The following KCNIP4 variants were observed in gnomAD, a reference collection of about 807,000 sequenced individuals.
The protein encoded by KCNIP4 is Kv channel-interacting protein 4.
A neutral mutation model predicts 34.0 loss-of-function variants in KCNIP4; 12 were observed. The observed-to-expected ratio is 0.35, with a 90% CI of 0.23 to 0.57. The LOEUF (loss-of-function observed/expected upper bound fraction) is 0.57, where lower values mean the gene tolerates loss of function less well. KCNIP4 is among the 20% of genes least tolerant of loss of function. The pLI, the probability that KCNIP4 is intolerant of heterozygous loss-of-function variation, is 0.83. For missense variants in KCNIP4, 238 were observed against 311.7 expected, an observed-to-expected ratio of 0.76 and a Z score of 1.78; for synonymous variants, 124 against 102.2, an observed-to-expected ratio of 1.21 and a Z score of -1.29.
intron 1 of KCNIP4, among the ~76,000 whole-genome samples, chr4:21,786,581 T>TC (rs1719929483): frequency 6.6e-6 from 1 of 151,548 alleles, no homozygotes. Context: ...TCTTTTTTTT[T>TC]TTTTGAGATG....
At chr4:20,878,787 C>T (rs1385482966) in intron 2 of KCNIP4, among the ~76,000 whole-genome samples, 1 of 152,154 alleles carries the variant, frequency 6.6e-6, no homozygotes, top group Admixed American at 6.5e-5. Flanking sequence ...CAGGATGATG[C>T]TAAAACCCAC....
chr4:21,586,895 C>A (rs1364465859), intron 1 of KCNIP4, among the ~76,000 whole-genome samples: 1 of 151,968 alleles, frequency 6.6e-6, no homozygotes, highest in Non-Finnish European at 1.5e-5. Context: ...CAAGTCTCAG[C>A]CTTATCATTT....
At chr4:21,519,474 A>ATG (rs1307544272) in intron 1 of KCNIP4, among the ~76,000 whole-genome samples, 5 of 100,064 alleles carry the variant, frequency 5.0e-5, no homozygotes, top group Non-Finnish European at 8.6e-5. Flanking sequence ...GTGTATGTGT[A>ATG]TGTGTATATA....
chr4:21,061,705 A>G (rs1328539302), intron 1 of KCNIP4, among the ~76,000 whole-genome samples: 1 of 152,210 alleles, frequency 6.6e-6, no homozygotes, highest in African/African-American at 2.4e-5. Flanking sequence ...ATCTATGCCT[A>G]AACATTATAT....
At position 21,247,930 on chromosome 4, in the gene KCNIP4, TACACACATATATATATAC is replaced by T. The variant is rs1412902432; in HGVS notation, c.62-365239_62-365222del. Among the ~76,000 whole-genome samples, 528 of 120,248 alleles carry T rather than the reference TACACACATATATATATAC, an allele frequency of 4.4e-3. 9 individuals carry two copies. Among genetic ancestry groups the T allele is most frequent in the Non-Finnish European group, 7.1e-3 (433 of 60,912 alleles). The allele number at this position is 120,248 out of a possible 152,430, so 78.9% of individuals were successfully genotyped here. A position where few individuals can be genotyped will look rare whatever the true frequency, so the allele number is the denominator to read the frequency against. On this transcript the variant is annotated intron_variant, in intron 1 of 8. Transcript: ENST00000382152. ...ATATACACACACACACATATATATA[TACACACATATATATATAC>T]ACACACATATATATATACACACACA...
At chr4:21,508,751 A>G (rs554760451) in intron 1 of KCNIP4, among the ~76,000 whole-genome samples, 8 of 144,736 alleles carry the variant, frequency 5.5e-5, no homozygotes, top group African/African-American at 2.3e-4. Flanking sequence ...CCCTGAGGCA[A>G]TTAGCAAGGG....
rs560562308 is a variant in KCNIP4 at position 21,012,566 on chromosome 4, C to T, written c.62-129857G>A. On this transcript the variant is annotated intron_variant, in intron 1 of 8. Coordinates refer to ENST00000382152, the MANE Select transcript of KCNIP4 (RefSeq NM_025221.6). ...TGGGTGACAGAGTAAGACCTTGGCT[C>T]GAATCAAAGCAAAACAAAACAAAAC... Among the ~76,000 whole-genome samples the T allele has an allele frequency of 5.9e-5, 9 of 152,156 alleles. No individual in the cohort carries two copies. The East Asian group carries it at 1.4e-3, about 23-fold the overall frequency.
intron 1 of KCNIP4, among the ~76,000 whole-genome samples, chr4:21,618,866 C>A (rs1430260997): frequency 2.6e-5 from 4 of 151,876 alleles, no homozygotes; most frequent in Admixed American, 2.6e-4. Context: ...ATCACCTGAC[C>A]TCGTGATCCG....
intron 3 of KCNIP4, among the ~76,000 whole-genome samples, chr4:20,777,811 TAGAA>T (rs1186805141): frequency 6.6e-6 from 1 of 152,132 alleles, no homozygotes; most frequent in African/African-American, 2.4e-5. Flanking sequence ...AACCAGTAAT[TAGAA>T]AGGAGTTTGG....
chr4:20,829,498 C>T (rs966205849), intron 3 of KCNIP4, among the ~76,000 whole-genome samples: 8 of 152,124 alleles, frequency 5.3e-5, no homozygotes, highest in African/African-American at 1.2e-4. Flanking sequence ...TGAGCCACCG[C>T]GCCTGGCCCA....
chr4:21,100,673 T>C (rs953801983), intron 1 of KCNIP4, among the ~76,000 whole-genome samples: 4 of 152,212 alleles, frequency 2.6e-5, no homozygotes, highest in Non-Finnish European at 5.9e-5. Flanking sequence ...GATTATGACT[T>C]GCTGAAGGCT....
intron 1 of KCNIP4, among the ~76,000 whole-genome samples, chr4:21,871,323 C>T (rs1199241210): frequency 6.9e-6 from 1 of 144,096 alleles, no homozygotes; most frequent in Non-Finnish European, 1.5e-5. Flanking sequence ...AATCATACTG[C>T]TATAAAGACA....
At chr4:21,033,242 T>C (rs1218121976) in intron 1 of KCNIP4, among the ~76,000 whole-genome samples, 1 of 152,172 alleles carries the variant, frequency 6.6e-6, no homozygotes, top group Non-Finnish European at 1.5e-5. Flanking sequence ...TCTTAGTATC[T>C]CTCTGATCTC....
At chr4:21,657,322 A>G (rs1480296488) in intron 1 of KCNIP4, among the ~76,000 whole-genome samples, 1 of 152,110 alleles carries the variant, frequency 6.6e-6, no homozygotes, top group East Asian at 1.9e-4. Flanking sequence ...TTTCCGGTCC[A>G]TGTCTTTTTG....
intron 1 of KCNIP4, among the ~76,000 whole-genome samples, chr4:21,123,765 T>G (rs1433480): frequency 6.6e-6 from 1 of 152,232 alleles, no homozygotes; most frequent in East Asian, 1.9e-4. Flanking sequence ...GGGATTATTG[T>G]CCTTAAAGGA....
intron 1 of KCNIP4, among the ~76,000 whole-genome samples, chr4:21,402,353 G>A (rs1003868824): frequency 6.6e-6 from 1 of 152,146 alleles, no homozygotes; most frequent in East Asian, 1.9e-4. Context: ...AAATGAGTCC[G>A]TGTAATACTT....
chr4:20,790,633 A>G (rs1333690608), intron 3 of KCNIP4, among the ~76,000 whole-genome samples: 1 of 152,124 alleles, frequency 6.6e-6, no homozygotes, highest in African/African-American at 2.4e-5. Context: ...CCTACACAGA[A>G]TCAGGATCCC....
chr4:20,847,110 A>G (rs1720477831), intron 3 of KCNIP4, among the ~76,000 whole-genome samples: 1 of 152,196 alleles, frequency 6.6e-6, no homozygotes, highest in African/African-American at 2.4e-5. Flanking sequence ...GATGGAACAT[A>G]CAACTGAGGT....
intron 1 of KCNIP4, among the ~76,000 whole-genome samples, chr4:21,136,111 G>A (rs1751476432): frequency 6.6e-6 from 1 of 152,176 alleles, no homozygotes; most frequent in African/African-American, 2.4e-5. Context: ...CACTGGCTGT[G>A]TAATTTAAAG....
Sources: allele counts gnomAD v4.1 joint callset (sites outside exome capture counted in the v4.1 genomes callset), GRCh38; gene constraint gnomAD v4.1.1; transcripts MANE v1.5; gene names NCBI Gene and HGNC (gene_info 2026-07-23, HGNC 2026-07-21).